MPP7: variants seen among roughly 807,000 people sequenced by gnomAD.
MPP7 encodes MAGUK p55 scaffold protein 7.
MPP7 carries 60 observed loss-of-function variants against 76.5 expected under a neutral mutation model. That is an observed-to-expected ratio of 0.78 (90% CI 0.64 to 0.97). MPP7 has a LOEUF of 0.97. Ranked by LOEUF, MPP7 falls within the 50% of genes least tolerant of loss-of-function variation. The pLI is 0.00. For synonymous variants in MPP7, 237 were observed against 244.5 expected (o/e 0.97, Z 0.29); for missense variants, 641 against 694.0 (o/e 0.92, Z 0.86).
At chr10:28,253,850 GC>G (rs1401244760) in intron 1 of MPP7, among the ~76,000 whole-genome samples, 1 of 151,600 alleles carries the variant, frequency 6.6e-6, no homozygotes, top group Non-Finnish European at 1.5e-5. Flanking sequence ...ACAAAAATTA[GC>G]CGGGTATGGT....
At chr10:28,294,865 AAC>A (rs1255066577) in intron 1 of MPP7, among the ~76,000 whole-genome samples, 1 of 152,240 alleles carries the variant, frequency 6.6e-6, no homozygotes, top group Non-Finnish European at 1.5e-5. Context: ...GAGACGGAAC[AAC>A]AGAGGTTAAG....
intron 2 of MPP7, chr10:28,329,914 T>C (rs969673902): frequency 2.6e-5 from 4 of 152,208 alleles, no homozygotes; most frequent in African/African-American, 9.6e-5. Flanking sequence ...ACTAAAATGC[T>C]CTAATGATAA....
At chr10:28,149,092 T>G (rs531514597) in intron 4 of MPP7, among the ~76,000 whole-genome samples, 2 of 152,260 alleles carry the variant, frequency 1.3e-5, no homozygotes, top group East Asian at 3.9e-4. Context: ...TACATATGTG[T>G]TTTTTCTAAA....
chr10:28,088,040 G>T (rs1853104951), intron 12 of MPP7, among the ~76,000 whole-genome samples: 1 of 152,108 alleles, frequency 6.6e-6, no homozygotes, highest in Non-Finnish European at 1.5e-5. Flanking sequence ...TCAAAATAAT[G>T]CAAACAATCT....
intron 11 of MPP7, among the ~76,000 whole-genome samples, chr10:28,115,204 G>C (rs1480728348): frequency 6.6e-6 from 1 of 152,090 alleles, no homozygotes; most frequent in Non-Finnish European, 1.5e-5. Context: ...CCAGGTTCAA[G>C]CGATTCTCCT....
chr10:28,172,035 AGAGCCTGTGCT>A (rs1466844728), intron 3 of MPP7, among the ~76,000 whole-genome samples: 1 of 152,236 alleles, frequency 6.6e-6, no homozygotes, highest in Non-Finnish European at 1.5e-5. Context: ...CAGCAGCACA[AGAGCCTGTGCT>A]AACGTCTTTG....
At chr10:28,161,428 T>C (rs1226346218) in intron 3 of MPP7, among the ~76,000 whole-genome samples, 2 of 151,804 alleles carry the variant, frequency 1.3e-5, no homozygotes, top group Non-Finnish European at 2.9e-5. Context: ...ATGTTTTTCT[T>C]CCTATGAAAA....
At chr10:28,075,616 G>T (rs1299232713) in intron 12 of MPP7, among the ~76,000 whole-genome samples, 6 of 152,100 alleles carry the variant, frequency 3.9e-5, no homozygotes, top group Non-Finnish European at 8.8e-5. Flanking sequence ...ACTTCTCCTT[G>T]TGTTGGGTCT....
intron 3 of MPP7, among the ~76,000 whole-genome samples, chr10:28,194,533 C>T (rs1262466841): frequency 6.6e-6 from 1 of 152,156 alleles, no homozygotes; most frequent in Non-Finnish European, 1.5e-5. Flanking sequence ...AAATCCTATT[C>T]AGCAATACAA....
At chr10:28,175,691 C>T (rs1836837323) in intron 3 of MPP7, among the ~76,000 whole-genome samples, 1 of 152,058 alleles carries the variant, frequency 6.6e-6, no homozygotes, top group South Asian at 2.1e-4. Flanking sequence ...ATATTCAAAA[C>T]AAGAAGCTAT....
chr10:28,333,541 G>T (rs923239714), intron 1 of MPP7, among the ~76,000 whole-genome samples: 2 of 152,176 alleles, frequency 1.3e-5, no homozygotes, highest in African/African-American at 2.4e-5. Context: ...AACAGGAAAA[G>T]GTTACATGTA....
intron 14 of MPP7, among the ~76,000 whole-genome samples, chr10:28,058,946 T>C (rs577068403): frequency 1.3e-5 from 2 of 152,308 alleles, no homozygotes; most frequent in African/African-American, 2.4e-5. Flanking sequence ...TGGAATTTCA[T>C]TGCACGCTAC....
At chr10:28,312,159 C>G (rs1023099744) in intron 2 of MPP7, among the ~76,000 whole-genome samples, 2 of 152,148 alleles carry the variant, frequency 1.3e-5, no homozygotes, top group Non-Finnish European at 2.9e-5. Flanking sequence ...AGCTGATTGT[C>G]GCTGCTGGCT....
intron 5 of MPP7, among the ~76,000 whole-genome samples, chr10:28,143,547 G>T (rs1440775736): frequency 2.0e-5 from 3 of 151,934 alleles, no homozygotes; most frequent in Non-Finnish European, 4.4e-5. Flanking sequence ...TCCTTTATGG[G>T]TGCATGTTTG....
At chr10:28,154,346 T>G (rs1835980743) in intron 3 of MPP7, among the ~76,000 whole-genome samples, 1 of 152,182 alleles carries the variant, frequency 6.6e-6, no homozygotes, top group African/African-American at 2.4e-5. Flanking sequence ...GCCTAAAAAC[T>G]TGGAGGCTGT....
chr10:28,120,749 A>G (rs1424622999), intron 8 of MPP7, 81 bp from the exon 9 acceptor site: 3 of 1,102,150 alleles, frequency 2.7e-6, no homozygotes, highest in Non-Finnish European at 4.0e-6. Context: ...AGTGAAATGC[A>G]TCTGAAAATT....
At chr10:28,118,015 CA>C (rs148306655) in intron 11 of MPP7, 42 of 814,684 alleles carry the variant, frequency 5.2e-5, no homozygotes, top group African/African-American at 9.5e-5. Context: ...AAAACAAAAA[CA>C]AAAAAAAACA....
chr10:28,069,625 A>C (rs1052887088), intron 13 of MPP7, 147 bp downstream of exon 13: 144 of 485,264 alleles, frequency 3.0e-4, no homozygotes, highest in Middle Eastern at 1.2e-3. Context: ...CAAACAAAAA[A>C]AAAACTCACA....
intron 11 of MPP7, among the ~76,000 whole-genome samples, chr10:28,095,194 C>CATATATATATATATATATATATATATAT (rs10528025): frequency 2.3e-5 from 3 of 130,850 alleles, no homozygotes; most frequent in Admixed American, 8.2e-5. Flanking sequence ...CACACATATG[C>CATATATATATATATATATATATATATAT]ATATATATAT....
Sources: allele counts gnomAD v4.1 joint callset (sites outside exome capture counted in the v4.1 genomes callset), GRCh38; gene constraint gnomAD v4.1.1; transcripts MANE v1.5; gene names NCBI Gene and HGNC (gene_info 2026-07-23, HGNC 2026-07-21).